The following TMEM178A variants were observed in gnomAD, a reference collection of about 807,000 sequenced individuals.
The protein encoded by TMEM178A is transmembrane protein 178A.
In TMEM178A, 12 loss-of-function variants were observed where a neutral mutation model predicts 29.1. That is an observed-to-expected ratio of 0.41 (90% CI 0.26 to 0.67). The LOEUF is 0.67. TMEM178A is among the 30% of genes least tolerant of loss of function. The probability of loss-of-function intolerance (pLI) is 0.29; values close to 1 mark genes in which losing one functional copy is unlikely to be tolerated. For missense variants in TMEM178A, 366 were observed against 419.1 expected (o/e 0.87, Z 1.11); for synonymous variants, 210 against 187.2 (o/e 1.12, Z -0.99).
intron 3 of TMEM178A, among the ~76,000 whole-genome samples, chr2:39,715,878 A>G (rs778143765): frequency 5.9e-5 from 9 of 152,166 alleles, no homozygotes; most frequent in Admixed American, 3.9e-4. Context: ...GCTATAGGTT[A>G]AAAAAGGGTG....
chr2:39,689,698 T>A (rs1448448075), intron 1 of TMEM178A, among the ~76,000 whole-genome samples: 1 of 152,160 alleles, frequency 6.6e-6, no homozygotes, highest in African/African-American at 2.4e-5. Flanking sequence ...AACTGTACAC[T>A]TAAAAGTGGT....
chr2:39,677,265 A>G (rs545850683), intron 1 of TMEM178A, among the ~76,000 whole-genome samples: 5 of 152,274 alleles, frequency 3.3e-5, no homozygotes, highest in Admixed American at 2.6e-4. Flanking sequence ...GTTCATTTAT[A>G]GAATCTGTTC....
At chr2:39,696,721 A>G (rs1204705401) in intron 1 of TMEM178A, among the ~76,000 whole-genome samples, 1 of 152,222 alleles carries the variant, frequency 6.6e-6, no homozygotes, top group Admixed American at 6.5e-5. Flanking sequence ...AACCTCGAGT[A>G]GGGGTTTCTA....
intron 1 of TMEM178A, among the ~76,000 whole-genome samples, chr2:39,694,609 C>G (rs1449500617): frequency 6.6e-6 from 1 of 152,082 alleles, no homozygotes; most frequent in African/African-American, 2.4e-5. Flanking sequence ...CCACATGAGA[C>G]TATTGAGCAT....
At position 39,665,981 on chromosome 2, in the gene TMEM178A, C is replaced by T; in HGVS notation, c.7C>T (p.Pro3Ser). Residue 3 changes from proline to serine, a missense_variant, in exon 1 of 4, where the codon CCG becomes TCG. By Grantham distance (74) the Pro-to-Ser change is moderately conservative. Around this residue, in one of 2 missense-constraint regions of TMEM178A, gnomAD observed 247 missense variants for 246.8 expected, o/e 1.00. Coordinates refer to ENST00000281961, the MANE Select transcript of TMEM178A (RefSeq NM_152390.3). MEPRALVTALSLG... is the reference protein window; with the variant it reads MESRALVTALSLG... ...TGCGGCGGGGCGGGAAGCCATGGAGCCGCGGGCGCTCGTCACGGCGCTCAG... is the reference window on the plus strand; with the variant it reads ...TGCGGCGGGGCGGGAAGCCATGGAGTCGCGGGCGCTCGTCACGGCGCTCAG... The T allele has an allele frequency of 7.3e-7, 1 of 1,377,878 alleles. No individual in the cohort carries two copies. Among genetic ancestry groups the T allele is most frequent in the Non-Finnish European group, 9.4e-7 (1 of 1,066,950 alleles). The allele number at this position is 1,377,878 out of a possible 1,614,324, so 85.4% of individuals were successfully genotyped here.
chr2:39,717,366 T>C lies in TMEM178A; in HGVS notation c.*115T>C. On this transcript the variant is annotated 3_prime_UTR_variant, in exon 4 of 4. Transcript: ENST00000281961. Reference sequence around the variant, plus strand: ...ATTCCAACCTGTTGCCTGCCAGCCCTTTCTGGATTACTGATAGAAAATCAT... The same window carrying C: ...ATTCCAACCTGTTGCCTGCCAGCCCCTTCTGGATTACTGATAGAAAATCAT... 7.0e-7 allele frequency: 1 copy of C among 1,418,516 alleles called. No homozygotes were observed. The allele number at this position is 1,418,516 out of a possible 1,614,324, so 87.9% of individuals were successfully genotyped here.
At chr2:39,688,892 A>G (rs1220022578) in intron 1 of TMEM178A, among the ~76,000 whole-genome samples, 1 of 152,188 alleles carries the variant, frequency 6.6e-6, no homozygotes, top group Non-Finnish European at 1.5e-5. Flanking sequence ...TGTATCTATA[A>G]CATATCCCAT....
intron 1 of TMEM178A, among the ~76,000 whole-genome samples, chr2:39,680,479 G>A (rs748715746): frequency 8.6e-5 from 13 of 152,028 alleles, no homozygotes; most frequent in Non-Finnish European, 1.6e-4. Flanking sequence ...CTTTTCTATC[G>A]TTTCAGGAAT....
the TMEM178A span, among the ~76,000 whole-genome samples, chr2:39,735,241 G>A: frequency 0.029 from 4,356 of 152,140 alleles, 217 homozygotes; most frequent in African/African-American, 0.099. Flanking sequence ...TCCACTATAT[G>A]CCAGGAGTAT....
downstream of TMEM178A, among the ~76,000 whole-genome samples, chr2:39,718,625 T>C (rs1672637127): frequency 6.6e-6 from 1 of 152,206 alleles, no homozygotes; most frequent in Non-Finnish European, 1.5e-5. Flanking sequence ...CTCTATGAGG[T>C]AAGTGCTGTT....
At chr2:39,674,763 G>GA (rs1389357878) in intron 1 of TMEM178A, among the ~76,000 whole-genome samples, 2 of 152,088 alleles carry the variant, frequency 1.3e-5, no homozygotes, top group African/African-American at 4.8e-5. Context: ...AGCAGTACAA[G>GA]AAAAAATCCA....
At chr2:39,727,915 G>A in the TMEM178A span, among the ~76,000 whole-genome samples, 1 of 152,130 alleles carries the variant, frequency 6.6e-6, no homozygotes, top group Non-Finnish European at 1.5e-5. Context: ...TGGCAGCATA[G>A]TATTCCATGG....
rs777722297 is a variant in TMEM178A at position 39,666,019 on chromosome 2, C to T, written c.45C>T (p.Ser15=). ...ALVTALSLGL[S]LCSLGLLVTA... is the part of the protein sequence containing the mutation. ...TCACGGCGCTCAGCCTCGGCCTCAG[C>T]CTGTGCTCCCTGGGGCTGCTCGTCA... The change falls in exon 1 of 4, where the codon AGC becomes AGT. Residue 15 remains serine, a synonymous_variant. Transcript: ENST00000281961. 6 of 1,538,690 alleles carry T rather than the reference C, an allele frequency of 3.9e-6. No individual in the cohort carries two copies. The Admixed American group carries it at 1.2e-4, about 31-fold the overall frequency.
At chr2:39,677,900 A>G (rs557794334) in intron 1 of TMEM178A, among the ~76,000 whole-genome samples, 1 of 152,236 alleles carries the variant, frequency 6.6e-6, no homozygotes, top group Admixed American at 6.5e-5. Context: ...TAAAGCCACA[A>G]GGTATGTGGG....
At chr2:39,715,138 G>A (rs1419141887) in intron 3 of TMEM178A, among the ~76,000 whole-genome samples, 1 of 152,198 alleles carries the variant, frequency 6.6e-6, no homozygotes, top group Non-Finnish European at 1.5e-5. Flanking sequence ...ATGAAAGGAT[G>A]CTTAAAAGTC....
chr2:39,693,394 T>C (rs1364010348), intron 1 of TMEM178A, among the ~76,000 whole-genome samples: 3 of 152,224 alleles, frequency 2.0e-5, no homozygotes, highest in Admixed American at 1.3e-4. Context: ...TGGGGTCCCA[T>C]GTGGAAAGGA....
chr2:39,719,858 A>T (rs141693524), downstream of TMEM178A, among the ~76,000 whole-genome samples: 26 of 152,146 alleles, frequency 1.7e-4, no homozygotes, highest in East Asian at 3.9e-3. Flanking sequence ...GGATATGGGA[A>T]ACCTCCACAG....
intron 1 of TMEM178A, among the ~76,000 whole-genome samples, chr2:39,678,812 C>G (rs1463103123): frequency 1.3e-5 from 2 of 152,182 alleles, no homozygotes; most frequent in Admixed American, 6.5e-5. Context: ...ATATACCCAG[C>G]TACTTCTGCA....
chr2:39,690,325 T>A (rs576676971), intron 1 of TMEM178A, among the ~76,000 whole-genome samples: 2 of 152,300 alleles, frequency 1.3e-5, no homozygotes, highest in African/African-American at 4.8e-5. Flanking sequence ...GTACACAAGC[T>A]TCTGAGATGG....
Sources: allele counts gnomAD v4.1 joint callset (sites outside exome capture counted in the v4.1 genomes callset), GRCh38; gene constraint gnomAD v4.1.1; regional missense constraint gnomAD v4.1.1; transcripts MANE v1.5; gene names NCBI Gene and HGNC (gene_info 2026-07-23, HGNC 2026-07-21).